Variants in PDE1C observed in about 807,000 individuals in gnomAD.
PDE1C encodes the protein dual specificity calcium/calmodulin-dependent 3',5'-cyclic nucleotide phosphodiesterase 1C.
A neutral mutation model predicts 93.1 loss-of-function variants in PDE1C; 62 were observed. The ratio of observed to expected loss-of-function variants is 0.67; its 90% confidence interval spans 0.54 to 0.82. PDE1C has a LOEUF of 0.82. PDE1C is among the 40% of genes least tolerant of loss of function. The pLI is 0.00. For synonymous variants in PDE1C, 325 were observed against 310.1 expected (o/e 1.05, Z -0.50); for missense variants, 742 against 884.6 (o/e 0.84, Z 2.04).
At chr7:32,297,993 CTCT>C (rs1236131724) in intron 1 of PDE1C, among the ~76,000 whole-genome samples, 9 of 39,822 alleles carry the variant, frequency 2.3e-4, no homozygotes, top group African/African-American at 8.5e-4. Context: ...CTCTCTCTCT[CTCT>C]CCTCTCTCTC....
chr7:32,311,210 T>G (rs1483055223), intron 1 of PDE1C, among the ~76,000 whole-genome samples: 1 of 152,114 alleles, frequency 6.6e-6, no homozygotes, highest in South Asian at 2.1e-4. Context: ...CAGGAAGAAG[T>G]TGAATCTCTG....
At chr7:32,117,411 G>A (rs969228729) in intron 3 of PDE1C, among the ~76,000 whole-genome samples, 1 of 152,184 alleles carries the variant, frequency 6.6e-6, no homozygotes, top group African/African-American at 2.4e-5. Context: ...AGATGTGTTA[G>A]GCTCTTCTAT....
At chr7:32,225,253 T>C (rs1387128056) in intron 1 of PDE1C, among the ~76,000 whole-genome samples, 1 of 152,112 alleles carries the variant, frequency 6.6e-6, no homozygotes, top group Non-Finnish European at 1.5e-5. Flanking sequence ...ATTATAAACC[T>C]TCATGGACGC....
At chr7:32,176,468 T>A (rs1055233546) in intron 2 of PDE1C, among the ~76,000 whole-genome samples, 5 of 152,322 alleles carry the variant, frequency 3.3e-5, no homozygotes, top group African/African-American at 9.6e-5. Context: ...AGACTTCACA[T>A]TTGTATATAG....
rs1035217049 is a variant in PDE1C, at chr7:31,752,731, T to A, written c.*653A>T. ...GGTTATTGGGCATGAGGCACAATCT[T>A]CATGAGGCACAAAAATCTTTTTTTG... On this transcript the variant is annotated 3_prime_UTR_variant, in exon 18 of 18. Transcript: ENST00000396191. The A allele has an allele frequency of 6.6e-6, 1 of 152,128 alleles. No homozygotes were observed. The highest frequency in any genetic ancestry group is 2.4e-5 in the African/African-American group (1 of 41,438). The allele number at this position is 152,128 out of a possible 1,614,324, so 9.4% of individuals were successfully genotyped here. A position where few individuals can be genotyped will look rare whatever the true frequency, so the allele number is the denominator to read the frequency against.
intron 9 of PDE1C, among the ~76,000 whole-genome samples, chr7:31,840,555 T>C (rs576262954): frequency 6.6e-6 from 1 of 152,316 alleles, no homozygotes; most frequent in South Asian, 2.1e-4. Context: ...TTCAGTATTT[T>C]CCTCTGGAAG....
chr7:31,963,232 CAGTA>C (rs1809301222), intron 2 of PDE1C, among the ~76,000 whole-genome samples: 1 of 152,094 alleles, frequency 6.6e-6, no homozygotes, highest in South Asian at 2.1e-4. Context: ...TCAATCCTCA[CAGTA>C]AGTCTTATTT....
At chr7:31,904,343 G>A (rs540272515) in intron 2 of PDE1C, among the ~76,000 whole-genome samples, 38 of 151,532 alleles carry the variant, frequency 2.5e-4, no homozygotes, top group African/African-American at 8.0e-4. Flanking sequence ...CAAAATTTGC[G>A]AGCAAATCAC....
chr7:31,724,817 G>C, the PDE1C span, among the ~76,000 whole-genome samples: 2 of 152,162 alleles, frequency 1.3e-5, no homozygotes, highest in Admixed American at 1.3e-4. Context: ...AGACATATAA[G>C]GTGGGCTGTG....
At chr7:32,009,742 A>C (rs757925471) in intron 2 of PDE1C, among the ~76,000 whole-genome samples, 1 of 152,160 alleles carries the variant, frequency 6.6e-6, no homozygotes, top group Non-Finnish European at 1.5e-5. Flanking sequence ...GAAGAAGTAA[A>C]ACTGTCTTTA....
intron 3 of PDE1C, among the ~76,000 whole-genome samples, chr7:32,079,285 T>A (rs908576332): frequency 6.6e-6 from 1 of 152,200 alleles, no homozygotes; most frequent in Non-Finnish European, 1.5e-5. Context: ...GGATCTTTAA[T>A]CTAATTGGGA....
chr7:32,063,041 T>C (rs1794992067), intron 1 of PDE1C, among the ~76,000 whole-genome samples: 1 of 152,194 alleles, frequency 6.6e-6, no homozygotes, highest in Non-Finnish European at 1.5e-5. Flanking sequence ...GAGGACTCTG[T>C]ATAAACAGTA....
chr7:32,123,434 C>T (rs1396354637), intron 3 of PDE1C, among the ~76,000 whole-genome samples: 2 of 152,154 alleles, frequency 1.3e-5, no homozygotes, highest in Admixed American at 6.5e-5. Flanking sequence ...GACCAATATC[C>T]CTGATGAACA....
In PDE1C at chr7:31,877,958, CACTCGTATT is replaced by C. The variant is rs1030224065; in HGVS notation, c.492+3_492+11del. 1.9e-6 allele frequency: 3 copies of C among 1,591,956 alleles called. No homozygotes were observed. In the African/African-American group the frequency reaches 4.0e-5, roughly 21 times the overall value. On this transcript the variant is annotated splice_donor_5th_base_variant and intron_variant, in intron 5 of 17. Coordinates refer to ENST00000396191, the MANE Select transcript of PDE1C (RefSeq NM_001191057.4). ...TACCATGTACATTGTAAAATCTTTT[CACTCGTATT>C]ACCTTTAATGCCTCAATAACAGCTG...
chr7:31,696,352 A>G, the PDE1C span, among the ~76,000 whole-genome samples: 1 of 152,238 alleles, frequency 6.6e-6, no homozygotes, highest in African/African-American at 2.4e-5. Context: ...ACAACAGCAC[A>G]TAATAGCTGA....
the PDE1C span, among the ~76,000 whole-genome samples, chr7:31,624,163 G>A: frequency 6.6e-6 from 1 of 150,668 alleles, no homozygotes; most frequent in Non-Finnish European, 1.5e-5. Context: ...TCATGGGTAG[G>A]AAGAGTCAAT....
upstream of PDE1C, among the ~76,000 whole-genome samples, chr7:32,073,064 G>T (rs530694112): frequency 1.8e-4 from 28 of 152,142 alleles, no homozygotes; most frequent in African/African-American, 6.5e-4. Flanking sequence ...AATATACAAA[G>T]GAATATTAAG....
At chr7:31,955,401 C>G (rs1362197072) in intron 2 of PDE1C, among the ~76,000 whole-genome samples, 12 of 152,040 alleles carry the variant, frequency 7.9e-5, no homozygotes, top group Admixed American at 6.6e-4. Context: ...AAGGTTTTAC[C>G]TTCATTGGTA....
intron 16 of PDE1C, among the ~76,000 whole-genome samples, chr7:31,803,541 C>T (rs911126103): frequency 6.6e-6 from 1 of 151,846 alleles, no homozygotes; most frequent in African/African-American, 2.4e-5. Context: ...TCTCCTAATG[C>T]TATCCCTCCC....
Sources: allele counts gnomAD v4.1 joint callset (sites outside exome capture counted in the v4.1 genomes callset), GRCh38; gene constraint gnomAD v4.1.1; transcripts MANE v1.5; gene names NCBI Gene and HGNC (gene_info 2026-07-23, HGNC 2026-07-21).